BIRC6: variants seen among roughly 807,000 people sequenced by gnomAD.
BIRC6 encodes dual E2 ubiquitin-conjugating enzyme/E3 ubiquitin-protein ligase BIRC6.
Under a neutral mutation model 503.3 loss-of-function variants are expected in BIRC6, and 98 were observed. That is an observed-to-expected ratio of 0.19 (90% confidence interval 0.17 to 0.23). BIRC6 has a LOEUF of 0.23. Ranked by LOEUF, BIRC6 falls within the 10% of genes least tolerant of loss-of-function variation. The probability of loss-of-function intolerance (pLI) is 1.00; values close to 1 mark genes in which losing one functional copy is unlikely to be tolerated. For missense variants in BIRC6, 5,360 were observed against 5,806.0 expected, an observed-to-expected ratio of 0.92 and a Z score of 2.50; for synonymous variants, 2,240 against 2,078.7, an observed-to-expected ratio of 1.08 and a Z score of -2.11.
chr2:32,369,092 C>G (rs1299133824), intron 1 of BIRC6, among the ~76,000 whole-genome samples: 1 of 152,188 alleles, frequency 6.6e-6, no homozygotes, highest in African/African-American at 2.4e-5. Context: ...GAGTAAAGAT[C>G]TGCATGATGC....
At chr2:32,384,065 C>A (rs1449079757) in intron 3 of BIRC6, among the ~76,000 whole-genome samples, 1 of 152,142 alleles carries the variant, frequency 6.6e-6, no homozygotes, top group African/African-American at 2.4e-5. Context: ...ATCTCAACAC[C>A]CACTTCAATG....
At position 32,395,554 on chromosome 2, in the gene BIRC6, G is replaced by A; in HGVS notation, c.995G>A (p.Ser332Asn). 6.2e-7 allele frequency: 1 copy of A among 1,613,342 alleles called. No individual in the cohort carries two copies. The highest frequency in any genetic ancestry group is 8.5e-7 in the Non-Finnish European group (1 of 1,179,440). Residue 332 changes from serine to asparagine, a missense_variant, in exon 6 of 74, where the codon AGT becomes AAT. This residue lies in a region of BIRC6 where 92 missense variants were observed against 176.7 expected (regional missense o/e 0.52). Coordinates refer to ENST00000421745, the MANE Select transcript of BIRC6 (RefSeq NM_016252.4). The part of the protein sequence containing the change: ...GDDRAMCFTC[S>N]VCLVCWEPTD... ...GATAGAGCCATGTGTTTTACTTGTA[G>A]TGTATGCCTCGTTTGTTGGGAACCT... is the stretch of plus-strand genomic sequence containing the variant.
At chr2:32,413,470 G>A (rs981958405) in intron 9 of BIRC6, among the ~76,000 whole-genome samples, 7 of 151,660 alleles carry the variant, frequency 4.6e-5, no homozygotes, top group African/African-American at 1.7e-4. Flanking sequence ...ATGAGCCATC[G>A]CGCCCAGCCT....
At chr2:32,416,282 T>A in intron 10 of BIRC6, 119 bp downstream of exon 10, 1 of 1,054,418 alleles carries the variant, frequency 9.5e-7, no homozygotes, top group Non-Finnish European at 1.4e-6. Context: ...AATTTTTTTG[T>A]AATGAAGTGG....
intron 21 of BIRC6, among the ~76,000 whole-genome samples, chr2:32,446,387 C>T (rs2045947724): frequency 6.6e-6 from 1 of 152,160 alleles, no homozygotes; most frequent in Admixed American, 6.5e-5. Flanking sequence ...TAAGCAATAG[C>T]AAAAGGTTAG....
At chr2:32,418,530 C>A (rs2042613788) in intron 10 of BIRC6, among the ~76,000 whole-genome samples, 2 of 152,292 alleles carry the variant, frequency 1.3e-5, no homozygotes, top group Admixed American at 1.3e-4. Flanking sequence ...ACACTGAATT[C>A]TTTGCATTCT....
intron 66 of BIRC6, among the ~76,000 whole-genome samples, chr2:32,588,063 A>T (rs146605607): frequency 6.6e-6 from 1 of 152,280 alleles, no homozygotes; most frequent in East Asian, 1.9e-4. Flanking sequence ...GTATTAACTG[A>T]ATAAGAATTA....
intron 10 of BIRC6, among the ~76,000 whole-genome samples, chr2:32,427,594 T>A (rs1420535341): frequency 2.0e-5 from 3 of 152,152 alleles, no homozygotes; most frequent in African/African-American, 7.2e-5. Flanking sequence ...CCTTTAATTT[T>A]TTTAAAAATA....
chr2:32,435,478 C>T lies in BIRC6; in HGVS notation c.3410-18C>T. 1.9e-6 allele frequency: 3 copies of T among 1,546,366 alleles called. No individual in the cohort carries two copies. Among genetic ancestry groups the T allele is most frequent in the Non-Finnish European group, 2.6e-6 (3 of 1,145,466 alleles). On this transcript the variant is annotated intron_variant, in intron 13 of 73. Coordinates refer to ENST00000421745, the MANE Select transcript of BIRC6 (RefSeq NM_016252.4). ...GAAACAGCAGTAGATAGGCAGATCA[C>T]CTTTCCTTTGTCTCCAGCTCTTAAC... is the stretch of plus-strand genomic sequence containing the variant.
intron 11 of BIRC6, 48 bp from the exon 12 acceptor site, chr2:32,430,805 CTTTTTTTTTTTT>C (rs370529825): frequency 5.8e-5 from 28 of 484,804 alleles, no homozygotes; most frequent in South Asian, 2.6e-4. Flanking sequence ...TCATTGTCTT[CTTTTTTTTTTTT>C]TTTTTTTTTC....
intron 61 of BIRC6, among the ~76,000 whole-genome samples, chr2:32,532,510 T>G (rs1349885606): frequency 6.6e-6 from 1 of 152,158 alleles, no homozygotes; most frequent in Admixed American, 6.5e-5. Flanking sequence ...ACCAGTCATT[T>G]AATGTAGGGT....
intron 10 of BIRC6, among the ~76,000 whole-genome samples, chr2:32,417,352 C>T (rs945306574): frequency 6.6e-6 from 1 of 152,046 alleles, no homozygotes; most frequent in African/African-American, 2.4e-5. Context: ...CCATGTTGCT[C>T]AGGCTGGTCT....
chr2:32,578,815 C>A (rs868044271), intron 66 of BIRC6, among the ~76,000 whole-genome samples: 1 of 149,038 alleles, frequency 6.7e-6, no homozygotes, highest in African/African-American at 2.4e-5. Context: ...TACATACATA[C>A]ATACATACAT....
At position 32,513,093 on chromosome 2, in the gene BIRC6, C is replaced by T. The variant is rs1232896216; in HGVS notation, c.10507C>T (p.His3503Tyr). 1 of 1,613,908 alleles carries T rather than the reference C, an allele frequency of 6.2e-7. No individual in the cohort carries two copies. The highest frequency in any genetic ancestry group is 8.5e-7 in the Non-Finnish European group (1 of 1,179,842). ...GCACTGTGTAGCAGCCATTCTGTGG[C>T]ATAGTTATGAGCTGCTTGTAGAATA... is the stretch of plus-strand genomic sequence containing the variant. ...HLHCVAAILW[H>Y]SYELLVEYDL... The change falls in exon 54 of 74, where the codon CAT (histidine) becomes TAT (tyrosine). Residue 3503 changes from histidine (H) to tyrosine (Y), a missense_variant. By Grantham distance (83) the His-to-Tyr change is moderately conservative. Coordinates refer to ENST00000421745, the MANE Select transcript of BIRC6 (RefSeq NM_016252.4).
chr2:32,414,147 TG>T (rs1446132960), intron 9 of BIRC6, among the ~76,000 whole-genome samples: 2 of 151,426 alleles, frequency 1.3e-5, no homozygotes, highest in East Asian at 3.9e-4. Flanking sequence ...CAAAATTAGC[TG>T]GGTATGGTGG....
intron 4 of BIRC6, among the ~76,000 whole-genome samples, chr2:32,389,363 T>C (rs2038913560): frequency 6.6e-6 from 1 of 151,000 alleles, no homozygotes; most frequent in South Asian, 2.1e-4. Context: ...AGGAAAGTGC[T>C]ATCATTTTAT....
intron 45 of BIRC6, among the ~76,000 whole-genome samples, chr2:32,497,798 T>G (rs1296127678): frequency 6.6e-6 from 1 of 152,166 alleles, no homozygotes; most frequent in East Asian, 1.9e-4. Context: ...TGAATTTAAT[T>G]TGATCTTTAT....
At chr2:32,413,069 C>T (rs897607269) in intron 9 of BIRC6, among the ~76,000 whole-genome samples, 18 of 150,626 alleles carry the variant, frequency 1.2e-4, no homozygotes, top group Non-Finnish European at 2.1e-4. Context: ...AGTACAGTTG[C>T]GTGATCTCAG....
intron 49 of BIRC6, among the ~76,000 whole-genome samples, chr2:32,504,665 T>C (rs2053599978): frequency 1.3e-5 from 2 of 151,800 alleles, no homozygotes; most frequent in South Asian, 4.2e-4. Context: ...AGACTCCATC[T>C]GAAAAATAAA....
Sources: gnomAD v4.1 joint callset for allele counts (sites outside exome capture counted in the v4.1 genomes callset) on GRCh38, gnomAD v4.1.1 for gene constraint, gnomAD v4.1.1 regional missense constraint, MANE v1.5 for transcripts, NCBI Gene and HGNC (gene_info 2026-07-23, HGNC 2026-07-21) for gene names.